KCND2: variants seen among roughly 807,000 people sequenced by gnomAD.
KCND2 encodes the protein A-type voltage-gated potassium channel KCND2.
In KCND2, 16 loss-of-function variants were observed where a neutral mutation model predicts 54.4. The observed-to-expected ratio is 0.29, with a 90% CI of 0.20 to 0.45. The LOEUF (loss-of-function observed/expected upper bound fraction) is 0.45. KCND2 is among the 20% of genes least tolerant of loss of function. KCND2 has a pLI of 1.00. For synonymous variants in KCND2, 317 were observed against 310.7 expected (o/e 1.02, Z -0.21); for missense variants, 486 against 824.2 (o/e 0.59, Z 5.02).
chr7:120,626,604 T>C (rs1793167211), intron 1 of KCND2, among the ~76,000 whole-genome samples: 1 of 152,150 alleles, frequency 6.6e-6, no homozygotes, highest in African/African-American at 2.4e-5. Flanking sequence ...AGTCTATAAT[T>C]GATGGCACTA....
At chr7:120,599,599 T>G (rs976565568) in intron 1 of KCND2, among the ~76,000 whole-genome samples, 10 of 152,036 alleles carry the variant, frequency 6.6e-5, no homozygotes, top group African/African-American at 2.4e-4. Flanking sequence ...TGTTTGAATA[T>G]TTTTTAAAAG....
At chr7:120,428,866 A>G (rs891032498) in intron 1 of KCND2, among the ~76,000 whole-genome samples, 4 of 152,186 alleles carry the variant, frequency 2.6e-5, no homozygotes, top group Admixed American at 6.5e-5. Context: ...AAATACATAA[A>G]TACCCCTTAA....
chr7:120,658,004 A>G (rs1192887017), intron 1 of KCND2, among the ~76,000 whole-genome samples: 1 of 152,232 alleles, frequency 6.6e-6, no homozygotes, highest in Admixed American at 6.5e-5. Flanking sequence ...GGATTTTTCT[A>G]GCATATATAA....
intron 1 of KCND2, among the ~76,000 whole-genome samples, chr7:120,441,806 T>G (rs1052293321): frequency 6.6e-6 from 1 of 152,048 alleles, no homozygotes; most frequent in African/African-American, 2.4e-5. Context: ...TGCTTAAAAT[T>G]TATGGTTATG....
chr7:120,567,594 T>C (rs1199653900), intron 1 of KCND2, among the ~76,000 whole-genome samples: 1 of 152,180 alleles, frequency 6.6e-6, no homozygotes, highest in Non-Finnish European at 1.5e-5. Flanking sequence ...TATTTTTATA[T>C]GTAAATGCTT....
At chr7:120,445,036 T>C (rs1041332203) in intron 1 of KCND2, among the ~76,000 whole-genome samples, 1 of 152,168 alleles carries the variant, frequency 6.6e-6, no homozygotes, top group Non-Finnish European at 1.5e-5. Flanking sequence ...AGAGCATTGA[T>C]GTTGAACATC....
At chr7:120,742,655 G>T (rs1415895412) in intron 4 of KCND2, 53 bp downstream of exon 4, 1 of 1,361,494 alleles carries the variant, frequency 7.3e-7, no homozygotes, top group East Asian at 2.3e-5. Context: ...AATTCCATTT[G>T]CTTTTGTGCA....
At chr7:120,675,120 TC>T (rs1410688582) in intron 1 of KCND2, among the ~76,000 whole-genome samples, 4 of 152,186 alleles carry the variant, frequency 2.6e-5, no homozygotes, top group Admixed American at 2.6e-4. Context: ...AACTTTCTTA[TC>T]TAGTAATTTA....
chr7:120,678,794 A>G (rs1179707264), intron 1 of KCND2, among the ~76,000 whole-genome samples: 2 of 144,302 alleles, frequency 1.4e-5, no homozygotes, highest in African/African-American at 5.0e-5. Context: ...AAACACACAC[A>G]TTCTCTATCA....
chr7:120,372,009 A>G (rs1800772445), intron 1 of KCND2, among the ~76,000 whole-genome samples: 1 of 151,936 alleles, frequency 6.6e-6, no homozygotes, highest in Non-Finnish European at 1.5e-5. Flanking sequence ...TTGATTGCAT[A>G]TCCTTGCCAT....
chr7:120,519,482 G>A (rs1468545082), intron 1 of KCND2, among the ~76,000 whole-genome samples: 1 of 152,118 alleles, frequency 6.6e-6, no homozygotes, highest in African/African-American at 2.4e-5. Context: ...TCTGAGCTTG[G>A]GAGCAGATTC....
intron 1 of KCND2, among the ~76,000 whole-genome samples, chr7:120,568,676 A>G (rs1393254118): frequency 6.6e-6 from 1 of 152,100 alleles, no homozygotes; most frequent in Non-Finnish European, 1.5e-5. Flanking sequence ...CCTGGTTTCT[A>G]ACTTCCCTTG....
At chr7:120,576,062 T>C (rs1195879684) in intron 1 of KCND2, among the ~76,000 whole-genome samples, 2 of 133,518 alleles carry the variant, frequency 1.5e-5, no homozygotes, top group Non-Finnish European at 3.3e-5. Flanking sequence ...ATGCATATTG[T>C]GGATATAGAA....
chr7:120,510,366 G>C (rs1803094731), intron 1 of KCND2, among the ~76,000 whole-genome samples: 1 of 152,096 alleles, frequency 6.6e-6, no homozygotes, highest in African/African-American at 2.4e-5. Flanking sequence ...TTATGAAGTA[G>C]TGGAAGGTTT....
At chr7:120,411,813 A>T (rs147277052) in intron 1 of KCND2, among the ~76,000 whole-genome samples, 1 of 152,068 alleles carries the variant, frequency 6.6e-6, no homozygotes, top group African/African-American at 2.4e-5. Context: ...ATTTTTTAAT[A>T]TTATGGAAAT....
At chr7:120,342,159 G>C (rs1051343986) in intron 1 of KCND2, among the ~76,000 whole-genome samples, 7 of 152,130 alleles carry the variant, frequency 4.6e-5, no homozygotes, top group African/African-American at 1.7e-4. Context: ...TTGTGTTAGA[G>C]AGAATTTGCA....
At chr7:120,389,263 C>A (rs1292952261) in intron 1 of KCND2, among the ~76,000 whole-genome samples, 5 of 151,722 alleles carry the variant, frequency 3.3e-5, no homozygotes, top group Non-Finnish European at 5.9e-5. Flanking sequence ...TATATATATG[C>A]CTAAGATATA....
At chr7:120,318,999 A>G (rs370362139) in intron 1 of KCND2, among the ~76,000 whole-genome samples, 65 of 152,192 alleles carry the variant, frequency 4.3e-4, no homozygotes, top group African/African-American at 1.3e-3. Context: ...ATTTTGTTCT[A>G]TTATCATCAC....
At chr7:120,329,280 C>A (rs559789262) in intron 1 of KCND2, among the ~76,000 whole-genome samples, 98 of 152,014 alleles carry the variant, frequency 6.4e-4, no homozygotes, top group Non-Finnish European at 8.7e-4. Context: ...CACCACCATG[C>A]CCAGCTAATT....
Sources: gnomAD v4.1 joint callset for allele counts (sites outside exome capture counted in the v4.1 genomes callset) on GRCh38, gnomAD v4.1.1 for gene constraint, MANE v1.5 for transcripts, NCBI Gene and HGNC (gene_info 2026-07-23, HGNC 2026-07-21) for gene names.